Variants in RNF130 observed in about 807,000 individuals in gnomAD.
The protein encoded by RNF130 is ring finger protein 130.
RNF130 carries 21 observed loss-of-function variants against 44.6 expected under a neutral mutation model. The ratio of observed to expected loss-of-function variants is 0.47; its 90% CI spans 0.33 to 0.68. RNF130 has a LOEUF of 0.68. Among genes scored for constraint, RNF130 ranks in the 30% least tolerant of loss-of-function variants. The pLI, the probability that RNF130 is intolerant of heterozygous loss-of-function variation, is 0.02. For synonymous variants in RNF130, 214 were observed against 210.4 expected (o/e 1.02, Z -0.15); for missense variants, 479 against 560.6 (o/e 0.85, Z 1.47).
Position 179,955,622 on chromosome 5 carries a change from C to CA in RNF130, c.*31dup, listed in dbSNP as rs748433375. The CA allele has an allele frequency of 6.4e-7, 1 of 1,568,974 alleles. No homozygotes were observed. Among genetic ancestry groups the CA allele is most frequent in the Admixed American group, 1.9e-5 (1 of 52,872 alleles). ...AAATAGGTTCTTTTTTCCTTCAAGG[C>CA]AAAATCAGTCAGAAAGCAGGTTTTT... On this transcript the variant is annotated 3_prime_UTR_variant, in exon 9 of 9. Transcript: ENST00000521389.
intron 3 of RNF130, among the ~76,000 whole-genome samples, chr5:179,983,692 C>T (rs1311736553): frequency 1.3e-5 from 2 of 152,156 alleles, no homozygotes; most frequent in Non-Finnish European, 2.9e-5. Context: ...CAGGGATTTA[C>T]AATGAGATTG....
intron 7 of RNF130, among the ~76,000 whole-genome samples, chr5:179,926,808 G>T (rs1172713252): frequency 6.6e-6 from 1 of 152,234 alleles, no homozygotes; most frequent in Non-Finnish European, 1.5e-5. Context: ...ATTGGACGTG[G>T]AGACAGTCTT....
chr5:180,025,925 C>A (rs908476722), intron 2 of RNF130, among the ~76,000 whole-genome samples: 2 of 152,110 alleles, frequency 1.3e-5, no homozygotes, highest in Admixed American at 1.3e-4. Flanking sequence ...AGGTATTCTA[C>A]AATGTGTTTG....
chr5:180,007,352 G>T (rs1199231031), intron 3 of RNF130, among the ~76,000 whole-genome samples: 2 of 152,200 alleles, frequency 1.3e-5, no homozygotes, highest in Non-Finnish European at 2.9e-5. Context: ...AGTGAGCCAA[G>T]ATCGCGCCAC....
chr5:180,001,075 T>C (rs1014521179), intron 3 of RNF130, among the ~76,000 whole-genome samples: 1 of 152,112 alleles, frequency 6.6e-6, no homozygotes, highest in Non-Finnish European at 1.5e-5. Flanking sequence ...TTGGGAAGGG[T>C]GTGGTGACTA....
intron 7 of RNF130, among the ~76,000 whole-genome samples, chr5:179,945,357 C>T (rs930892393): frequency 6.6e-6 from 1 of 152,140 alleles, no homozygotes; most frequent in Non-Finnish European, 1.5e-5. Flanking sequence ...GCGGCGGGGG[C>T]TTTTCTGGGC....
chr5:179,933,234 A>G (rs796174114), intron 7 of RNF130, among the ~76,000 whole-genome samples: 1 of 152,132 alleles, frequency 6.6e-6, no homozygotes, highest in South Asian at 2.1e-4. Context: ...CTAGGCCCAG[A>G]GTTTTTCTTT....
downstream of RNF130, among the ~76,000 whole-genome samples, chr5:179,954,862 A>G (rs1762178603): frequency 6.6e-6 from 1 of 152,264 alleles, no homozygotes; most frequent in African/African-American, 2.4e-5. Flanking sequence ...ACATTTACAA[A>G]TACTGAAAAT....
chr5:179,935,528 G>GTA (rs1257668899), intron 7 of RNF130, among the ~76,000 whole-genome samples: 1 of 151,948 alleles, frequency 6.6e-6, no homozygotes, highest in East Asian at 1.9e-4. Context: ...GTGTGTGTGT[G>GTA]TGTGTATACA....
chr5:179,994,077 T>A (rs1763151783), intron 3 of RNF130, among the ~76,000 whole-genome samples: 1 of 152,220 alleles, frequency 6.6e-6, no homozygotes, highest in Non-Finnish European at 1.5e-5. Context: ...TCTGTTCCAT[T>A]GGTCTATATC....
intron 1 of RNF130, among the ~76,000 whole-genome samples, chr5:180,045,506 C>T (rs1220568643): frequency 6.6e-6 from 1 of 152,226 alleles, no homozygotes; most frequent in Non-Finnish European, 1.5e-5. Flanking sequence ...AAGAACAAAG[C>T]TCCCACAGCG....
intron 7 of RNF130, among the ~76,000 whole-genome samples, chr5:179,949,504 AAAAG>A (rs1333985296): frequency 1.3e-5 from 2 of 152,134 alleles, no homozygotes; most frequent in Non-Finnish European, 1.5e-5. Context: ...CTTTAAAAAA[AAAAG>A]AAAGAAAAAA....
intron 7 of RNF130, among the ~76,000 whole-genome samples, chr5:179,928,640 T>A (rs1048352783): frequency 3.3e-5 from 5 of 151,620 alleles, no homozygotes; most frequent in Non-Finnish European, 2.9e-5. Flanking sequence ...TGTTTTTTTT[T>A]TTTTTTGAGA....
At chr5:180,009,872 A>G (rs1172491808) in intron 3 of RNF130, among the ~76,000 whole-genome samples, 1 of 152,196 alleles carries the variant, frequency 6.6e-6, no homozygotes, top group African/African-American at 2.4e-5. Flanking sequence ...TGAGCGAGCA[A>G]TTAAACAAAC....
intron 7 of RNF130, among the ~76,000 whole-genome samples, chr5:179,926,389 T>C (rs1016873597): frequency 3.3e-5 from 5 of 152,240 alleles, no homozygotes; most frequent in Admixed American, 2.0e-4. Flanking sequence ...CTCATGCCTA[T>C]AATCCCAGCA....
At chr5:179,981,395 C>A (rs933895599) in intron 3 of RNF130, among the ~76,000 whole-genome samples, 6 of 152,160 alleles carry the variant, frequency 3.9e-5, no homozygotes, top group African/African-American at 1.4e-4. Context: ...AAACAACGGA[C>A]ACCTTAAGAA....
intron 2 of RNF130, among the ~76,000 whole-genome samples, chr5:180,015,770 G>GGGAAAGGAGTAC: frequency 6.6e-6 from 1 of 151,700 alleles, no homozygotes; most frequent in Non-Finnish European, 1.5e-5. Flanking sequence ...GAAAGGAGTA[G>GGGAAAGGAGTAC]GGAAAGGAAA....
chr5:179,993,963 C>T (rs1043168681), intron 3 of RNF130, among the ~76,000 whole-genome samples: 4 of 152,276 alleles, frequency 2.6e-5, no homozygotes, highest in Middle Eastern at 3.4e-3. Context: ...GTTTTCCCAG[C>T]GTCATTTCTT....
intron 7 of RNF130, among the ~76,000 whole-genome samples, chr5:179,927,812 G>A (rs939227839): frequency 2.6e-5 from 4 of 151,802 alleles, no homozygotes; most frequent in Non-Finnish European, 5.9e-5. Flanking sequence ...GGATGGTCTC[G>A]ATCTCCTGAC....
Sources: gnomAD v4.1 joint callset for allele counts (sites outside exome capture counted in the v4.1 genomes callset) on GRCh38, gnomAD v4.1.1 for gene constraint, MANE v1.5 for transcripts, NCBI Gene and HGNC (gene_info 2026-07-23, HGNC 2026-07-21) for gene names.